COL3A1: variants seen among roughly 807,000 people sequenced by gnomAD.
The protein encoded by COL3A1 is collagen alpha-1(III) chain.
A neutral mutation model predicts 200.9 loss-of-function variants in COL3A1; 46 were observed. That is an observed-to-expected ratio of 0.23 (90% CI 0.18 to 0.29). The LOEUF (loss-of-function observed/expected upper bound fraction) is 0.29. COL3A1 is among the 10% of genes least tolerant of loss of function. The pLI, the probability that COL3A1 is intolerant of heterozygous loss-of-function variation, is 1.00. For missense variants in COL3A1, 1,367 were observed against 1,917.6 expected (o/e 0.71, Z 5.36); for synonymous variants, 650 against 628.0 (o/e 1.03, Z -0.52).
intron 1 of COL3A1, among the ~76,000 whole-genome samples, chr2:188,977,706 T>C (rs922582591): frequency 1.3e-5 from 2 of 152,204 alleles, no homozygotes; most frequent in Middle Eastern, 3.4e-3. Flanking sequence ...AATTATAGAA[T>C]ACACATTAAA....
At chr2:189,009,413 C>A (rs1688670625) in intron 48 of COL3A1, among the ~76,000 whole-genome samples, 192 bp downstream of exon 48, 1 of 152,112 alleles carries the variant, frequency 6.6e-6, no homozygotes, top group Non-Finnish European at 1.5e-5. Context: ...AACTTCAGAT[C>A]ATGCCAAATA....
chr2:189,004,399 CCTTT>C, intron 40 of COL3A1, 35 bp downstream of exon 40: 1 of 1,535,088 alleles, frequency 6.5e-7, no homozygotes, highest in Non-Finnish European at 8.9e-7. Context: ...ACTCTTCCTT[CCTTT>C]GGTAGCCTTC....
At chr2:188,980,175 A>G (rs1195655498) in intron 1 of COL3A1, among the ~76,000 whole-genome samples, 1 of 151,632 alleles carries the variant, frequency 6.6e-6, no homozygotes, top group Non-Finnish European at 1.5e-5. Flanking sequence ...AAATGTAATA[A>G]GACAAGTAGA....
rs1458782497 is a variant in COL3A1 at position 189,011,946 on chromosome 2, G to A, written c.*172G>A. The A allele has an allele frequency of 1.9e-5, 13 of 701,768 alleles. No individual in the cohort carries two copies. The South Asian group carries it at 1.9e-4, about 10-fold the overall frequency. The allele number at this position is 701,768 out of a possible 1,614,324, so 43.5% of individuals were successfully genotyped here. ...AAAATGATACTTCTCTTTTTTTGCT[G>A]TTCCACCAAATACAATTCAAATGCT... On this transcript the variant is annotated 3_prime_UTR_variant, in exon 51 of 51. Coordinates refer to ENST00000304636, the MANE Select transcript of COL3A1 (RefSeq NM_000090.4).
At chr2:188,996,249 A>AGTGTGTGTGTGTGT (rs112143266) in intron 23 of COL3A1, 71 bp downstream of exon 23, 2 of 812,196 alleles carry the variant, frequency 2.5e-6, no homozygotes, top group African/African-American at 3.9e-5. Context: ...CCTATCCTTG[A>AGTGTGTGTGTGTGT]GTGTGTGTGT....
chr2:188,975,044 C>T (rs1028036798), intron 1 of COL3A1, among the ~76,000 whole-genome samples: 4 of 152,124 alleles, frequency 2.6e-5, no homozygotes, highest in Admixed American at 6.6e-5. Flanking sequence ...GAAGATTCTA[C>T]GCATTATCAG....
intron 23 of COL3A1, 74 bp from the exon 24 acceptor site, chr2:188,996,324 A>ACG: frequency 8.8e-7 from 1 of 1,139,888 alleles, no homozygotes; most frequent in South Asian, 1.3e-5. Flanking sequence ...ACACACACAC[A>ACG]CACATACTAT....
At chr2:188,996,079 T>C (rs776761722) in intron 22 of COL3A1, 46 bp from the exon 23 acceptor site, 7 of 1,565,174 alleles carry the variant, frequency 4.5e-6, no homozygotes, top group African/African-American at 1.4e-5. Flanking sequence ...AGTAATTTTT[T>C]ATTATTTCAT....
At chr2:188,985,853 C>T (rs1038574665) in intron 4 of COL3A1, 75 bp downstream of exon 4, 17 of 960,302 alleles carry the variant, frequency 1.8e-5, no homozygotes, top group East Asian at 1.7e-4. Context: ...CTCGATATTA[C>T]GTCTCACTAT....
At chr2:188,992,135 C>T in intron 13 of COL3A1, 49 bp from the exon 14 acceptor site, 1 of 1,587,914 alleles carries the variant, frequency 6.3e-7, no homozygotes, top group East Asian at 2.2e-5. Flanking sequence ...TTACTCATGA[C>T]CAGCCATTCA....
At chr2:188,988,723 G>C in intron 7 of COL3A1, 80 bp downstream of exon 7, 1 of 939,928 alleles carries the variant, frequency 1.1e-6, no homozygotes, top group Non-Finnish European at 1.7e-6. Context: ...ACAAGTATAG[G>C]TCTTTACAGA....
In COL3A1 at chr2:189,010,881, TG is replaced by T; in HGVS notation, c.4247del (p.Gly1416ValfsTer22). 6.2e-7 allele frequency: 1 copy of T among 1,614,136 alleles called. No homozygotes were observed. Among genetic ancestry groups the T allele is most frequent in the Non-Finnish European group, 8.5e-7 (1 of 1,179,964 alleles). ...SKFTYTVLED[G>X]CTKHTGEWSK... Reference sequence around the variant, plus strand: ...AATTCACCTACACAGTTCTGGAGGATGGTTGCACGGTAGGAAACATTTTTCT... The same window carrying T: ...AATTCACCTACACAGTTCTGGAGGATGTTGCACGGTAGGAAACATTTTTCT... On this transcript the variant is annotated frameshift_variant, in exon 50 of 51. Transcript: ENST00000304636. LOFTEE classifies it high-confidence loss of function.
intron 21 of COL3A1, 148 bp from the exon 22 acceptor site, chr2:188,995,544 A>T: frequency 3.2e-6 from 2 of 624,342 alleles, no homozygotes; most frequent in Non-Finnish European, 2.8e-6. Flanking sequence ...CCAAGCTAAG[A>T]TAACTGATTT....
Position 189,003,051 on chromosome 2 carries a change from T to A in COL3A1, c.2542T>A (p.Ser848Thr). ...PPGVAGPPGG[S>T]GPAGPPGPQG... ...TGGAGTTGCAGGACCCCCTGGAGGTTCTGGACCTGCTGTAAGTTCCTTCCT... is the reference window on the plus strand; with the variant it reads ...TGGAGTTGCAGGACCCCCTGGAGGTACTGGACCTGCTGTAAGTTCCTTCCT... The change falls in exon 36 of 51, where the codon TCT (serine) becomes ACT (threonine). Residue 848 changes from serine to threonine, a missense_variant. Ser to Thr is a moderately conservative substitution (Grantham distance 58, BLOSUM62 1). Around this residue, in one of 5 missense-constraint regions of COL3A1, gnomAD observed 846 missense variants for 1,147.9 expected, o/e 0.74. Transcript: ENST00000304636. The A allele has an allele frequency of 6.4e-7, 1 of 1,550,786 alleles. No individual in the cohort carries two copies. The highest frequency in any genetic ancestry group is 8.7e-7 in the Non-Finnish European group (1 of 1,146,312).
intron 48 of COL3A1, 116 bp downstream of exon 48, chr2:189,009,337 G>A (rs1688669633): frequency 2.4e-6 from 3 of 1,272,924 alleles, no homozygotes; most frequent in Non-Finnish European, 3.3e-6. Flanking sequence ...AGTACTTTAA[G>A]AAAGTTAACT....
intron 45 of COL3A1, 48 bp from the exon 46 acceptor site, chr2:189,007,837 A>C: frequency 1.3e-6 from 2 of 1,598,856 alleles, no homozygotes; most frequent in Middle Eastern, 2.0e-4. Flanking sequence ...ACAGTTTCCC[A>C]GTGCTTTTTA....
chr2:188,985,740 C>T lies in COL3A1; in HGVS notation c.409C>T (p.Pro137Ser). 1.2e-6 allele frequency: 2 copies of T among 1,611,664 alleles called. No individual in the cohort carries two copies. The highest frequency in any genetic ancestry group is 1.7e-6 in the Non-Finnish European group (2 of 1,178,810). ...ACCAGGGTCCCCTGGTTCTCCTGGC[C>T]CCCCTGGAATCTGTGAATCATGCCC... ...GQPGSPGSPG[P>S]PGICESCPTG... Residue 137 changes from proline (P) to serine (S), a missense_variant, in exon 4 of 51, where the codon CCC becomes TCC. Pro to Ser is a moderately conservative substitution (Grantham distance 74). This residue lies in a region of COL3A1 where 462 missense variants were observed against 681.4 expected (regional missense o/e 0.68). Transcript: ENST00000304636.
intron 11 of COL3A1, 70 bp downstream of exon 11, chr2:188,991,127 T>A (rs1688180143): frequency 6.7e-7 from 1 of 1,488,070 alleles, no homozygotes; most frequent in African/African-American, 1.4e-5. Flanking sequence ...ATAAGATTCA[T>A]ATTGTGAGCC....
In COL3A1 at chr2:189,007,626, T is replaced by C. The variant is rs372276683; in HGVS notation, c.3363+19T>C. On this transcript the variant is annotated intron_variant, in intron 45 of 50. Coordinates refer to ENST00000304636, the MANE Select transcript of COL3A1 (RefSeq NM_000090.4). ...TTCTCCAGTAAGTGCATTCATTTTG[T>C]TGGAAAATCCCTTCAATGTATACAA... The C allele has an allele frequency of 3.1e-6, 5 of 1,589,672 alleles. No homozygotes were observed. In the African/African-American group the frequency reaches 4.0e-5, roughly 13 times the overall value.
Sources: gnomAD v4.1 joint callset for allele counts (sites outside exome capture counted in the v4.1 genomes callset) on GRCh38, gnomAD v4.1.1 for gene constraint, gnomAD v4.1.1 regional missense constraint, MANE v1.5 for transcripts, NCBI Gene and HGNC (gene_info 2026-07-23, HGNC 2026-07-21) for gene names.